SAMD12: variants seen among roughly 807,000 people sequenced by gnomAD.
SAMD12 encodes sterile alpha motif domain-containing protein 12.
In SAMD12, 9 loss-of-function variants were observed where a neutral mutation model predicts 15.0. The observed-to-expected ratio is 0.60, with a 90% CI of 0.36 to 1.05. The LOEUF (loss-of-function observed/expected upper bound fraction) is 1.05, where lower values mean the gene tolerates loss of function less well. Ranked by LOEUF, SAMD12 falls within the 50% of genes least tolerant of loss-of-function variation. SAMD12 has a pLI of 0.01. For synonymous variants in SAMD12, 86 were observed against 90.1 expected (o/e 0.96, Z 0.25); for missense variants, 230 against 234.2 (o/e 0.98, Z 0.12).
rs149025800 is a variant in SAMD12, at chr8:118,535,269, G to A, written c.192+45446C>T. Among the ~76,000 whole-genome samples the A allele has an allele frequency of 4.3e-3, 652 of 152,314 alleles. 4 individuals carry two copies. Among genetic ancestry groups the A allele is most frequent in the African/African-American group, 0.015 (618 of 41,566 alleles). ...TGGAGGCTGCAGAACTGCAAATACT[G>A]CAGAATGGCAAATGTTGCTGCCTGA... On this transcript the variant is annotated intron_variant, in intron 2 of 3. Coordinates refer to ENST00000314727, the MANE Select transcript of SAMD12 (RefSeq NM_207506.3).
At chr8:118,450,429 G>A (rs978280859) in intron 2 of SAMD12, among the ~76,000 whole-genome samples, 2 of 152,088 alleles carry the variant, frequency 1.3e-5, no homozygotes, top group African/African-American at 2.4e-5. Flanking sequence ...AAAACCTATC[G>A]CTCATCCACA....
chr8:118,413,417 C>CT (rs1360502883), intron 3 of SAMD12, among the ~76,000 whole-genome samples: 3 of 152,084 alleles, frequency 2.0e-5, no homozygotes, highest in African/African-American at 7.3e-5. Flanking sequence ...CTTAGGCTGC[C>CT]TTTTCCTTCC....
intron 4 of SAMD12, among the ~76,000 whole-genome samples, chr8:118,242,859 C>T (rs1232628978): frequency 6.6e-6 from 1 of 152,136 alleles, no homozygotes; most frequent in African/African-American, 2.4e-5. Context: ...TCAGATACAA[C>T]TTTACATCCA....
intron 3 of SAMD12, among the ~76,000 whole-genome samples, chr8:118,407,992 T>A (rs1821216464): frequency 6.6e-6 from 1 of 152,180 alleles, no homozygotes; most frequent in Non-Finnish European, 1.5e-5. Context: ...GCTCTTAAAG[T>A]TGAAACTTTA....
At chr8:118,526,164 A>G (rs1040146513) in intron 2 of SAMD12, among the ~76,000 whole-genome samples, 2 of 152,192 alleles carry the variant, frequency 1.3e-5, no homozygotes, top group African/African-American at 4.8e-5. Context: ...TTCTACATGG[A>G]TTACCTCATT....
At chr8:118,171,204 A>T in the SAMD12 span, among the ~76,000 whole-genome samples, 5 of 152,350 alleles carry the variant, frequency 3.3e-5, no homozygotes, top group South Asian at 1.0e-3. Flanking sequence ...GAGAAATTGC[A>T]ACTTTCACAC....
At chr8:118,536,718 C>T (rs942093927) in intron 2 of SAMD12, among the ~76,000 whole-genome samples, 4 of 152,122 alleles carry the variant, frequency 2.6e-5, no homozygotes, top group Admixed American at 6.5e-5. Context: ...CTACTTATAT[C>T]GTATTGTACT....
chr8:118,335,355 C>A (rs1817007448), intron 4 of SAMD12, among the ~76,000 whole-genome samples: 1 of 152,170 alleles, frequency 6.6e-6, no homozygotes, highest in African/African-American at 2.4e-5. Context: ...CACTCTCTCA[C>A]CCAATACTGC....
At chr8:118,177,425 GTAGA>G in the SAMD12 span, among the ~76,000 whole-genome samples, 1 of 151,262 alleles carries the variant, frequency 6.6e-6, no homozygotes, top group South Asian at 2.1e-4. Context: ...TTAATCTTTT[GTAGA>G]GACAGGGTCT....
chr8:118,570,644 A>G (rs1826983353), intron 2 of SAMD12, among the ~76,000 whole-genome samples: 1 of 152,124 alleles, frequency 6.6e-6, no homozygotes, highest in Non-Finnish European at 1.5e-5. Context: ...TATCCTTGCT[A>G]TCGTGAATAG....
At chr8:118,316,372 A>AAAAAAAAAAG (rs1204603295) in intron 4 of SAMD12, among the ~76,000 whole-genome samples, 1 of 149,828 alleles carries the variant, frequency 6.7e-6, no homozygotes, top group African/African-American at 2.5e-5. Context: ...ATGTCTACAA[A>AAAAAAAAAAG]AAAAAAAAAA....
chr8:118,410,698 G>A (rs1821367600), intron 3 of SAMD12, among the ~76,000 whole-genome samples: 2 of 152,156 alleles, frequency 1.3e-5, no homozygotes, highest in African/African-American at 4.8e-5. Flanking sequence ...CTGTCGGCCA[G>A]GTGAATACCC....
chr8:118,179,906 C>T, the SAMD12 span, among the ~76,000 whole-genome samples: 3 of 152,210 alleles, frequency 2.0e-5, no homozygotes, highest in Non-Finnish European at 4.4e-5. Flanking sequence ...GAGTCCAGAC[C>T]AGCATCTACT....
At chr8:118,621,545 C>T in intron 1 of SAMD12, 1 of 498,380 alleles carries the variant, frequency 2.0e-6, no homozygotes, top group Non-Finnish European at 3.6e-6. Context: ...GATATCGTTT[C>T]GCATCAGGGA....
At chr8:118,519,501 T>A (rs529849477) in intron 2 of SAMD12, among the ~76,000 whole-genome samples, 4 of 152,360 alleles carry the variant, frequency 2.6e-5, no homozygotes, top group African/African-American at 9.6e-5. Context: ...GCTATTTTTC[T>A]AATGAATGTA....
At chr8:118,572,069 C>T (rs1827026150) in intron 2 of SAMD12, among the ~76,000 whole-genome samples, 1 of 152,218 alleles carries the variant, frequency 6.6e-6, no homozygotes, top group South Asian at 2.1e-4. Flanking sequence ...TGCCCAAGAC[C>T]ATGGGAACCC....
chr8:118,380,901 C>A (rs1294558318), intron 3 of SAMD12, among the ~76,000 whole-genome samples: 1 of 152,180 alleles, frequency 6.6e-6, no homozygotes, highest in Admixed American at 6.5e-5. Context: ...TTAGTGGCTA[C>A]AACAAACTTT....
chr8:118,587,679 G>C (rs1338239099), intron 1 of SAMD12, among the ~76,000 whole-genome samples: 1 of 152,166 alleles, frequency 6.6e-6, no homozygotes, highest in Admixed American at 6.5e-5. Context: ...TGTGACCACA[G>C]GGCTACAAAG....
chr8:118,398,227 T>A (rs559096165), intron 3 of SAMD12, among the ~76,000 whole-genome samples: 2 of 152,080 alleles, frequency 1.3e-5, no homozygotes, highest in African/African-American at 4.8e-5. Flanking sequence ...TGAAACCCCA[T>A]CTCTACTAAA....
Sources: gnomAD v4.1 joint callset for allele counts (sites outside exome capture counted in the v4.1 genomes callset) on GRCh38, gnomAD v4.1.1 for gene constraint, MANE v1.5 for transcripts, NCBI Gene and HGNC (gene_info 2026-07-23, HGNC 2026-07-21) for gene names.